Variants in SPOCK3 observed in about 807,000 individuals in gnomAD.
SPOCK3 encodes SPARC (osteonectin), cwcv and kazal like domains proteoglycan 3, also known as testican-3.
SPOCK3 carries 30 observed loss-of-function variants against 56.6 expected under a neutral mutation model. The observed-to-expected ratio is 0.53, with a 90% confidence interval of 0.40 to 0.72. SPOCK3 has a LOEUF of 0.72. SPOCK3 is among the 30% of genes least tolerant of loss of function. The probability of loss-of-function intolerance (pLI) is 0.00; values close to 1 mark genes in which losing one functional copy is unlikely to be tolerated. For synonymous variants in SPOCK3, 196 were observed against 183.3 expected, an observed-to-expected ratio of 1.07 and a Z score of -0.56; for missense variants, 527 against 530.0, an observed-to-expected ratio of 0.99 and a Z score of 0.06.
At chr4:166,936,247 G>A (rs998097440) in intron 4 of SPOCK3, among the ~76,000 whole-genome samples, 1 of 151,964 alleles carries the variant, frequency 6.6e-6, no homozygotes, top group African/African-American at 2.4e-5. Flanking sequence ...ATTTACATAT[G>A]TATTCATAAG....
At chr4:166,769,658 C>T (rs1463822600) in intron 7 of SPOCK3, among the ~76,000 whole-genome samples, 1 of 152,164 alleles carries the variant, frequency 6.6e-6, no homozygotes, top group Admixed American at 6.6e-5. Context: ...AGGAGGCAGT[C>T]TGTCCGTTCT....
In SPOCK3 at chr4:167,038,804, A is replaced by T. The variant is rs188213696; in HGVS notation, c.235+23688T>A. 2.8e-4 allele frequency among the ~76,000 whole-genome samples: 42 copies of T among 152,326 alleles called. 1 individual carries two copies. The highest frequency in any genetic ancestry group is 8.5e-4 in the Admixed American group (13 of 15,300). On this transcript the variant is annotated intron_variant, in intron 3 of 10. Transcript: ENST00000357545. ...ACAAAGTAAAAGTTACAATTAATAT[A>T]TACTGTTGTTAATATTAAAATCAAA... is the stretch of plus-strand genomic sequence containing the variant.
chr4:166,766,501 C>T lies in SPOCK3; in HGVS notation c.710-11772G>A, dbSNP rs150596467. 2.4e-4 allele frequency among the ~76,000 whole-genome samples: 37 copies of T among 152,226 alleles called. No individual in the cohort carries two copies. In the East Asian group the frequency reaches 4.8e-3, roughly 20 times the overall value. ...ATGCTGGATTACATTTAATGATTTG[C>T]GTACGTTGAACCAGTCTTGCATCCC... On this transcript the variant is annotated intron_variant, in intron 7 of 10. Coordinates refer to ENST00000357545, the MANE Select transcript of SPOCK3 (RefSeq NM_001040159.2).
At chr4:167,199,225 T>TG (rs1733263636) in intron 2 of SPOCK3, among the ~76,000 whole-genome samples, 1 of 141,976 alleles carries the variant, frequency 7.0e-6, no homozygotes, top group East Asian at 2.1e-4. Flanking sequence ...AAATATTTGT[T>TG]TGTGTGTGTG....
At chr4:166,987,433 A>G (rs1172998049) in intron 4 of SPOCK3, among the ~76,000 whole-genome samples, 3 of 152,174 alleles carry the variant, frequency 2.0e-5, no homozygotes, top group Non-Finnish European at 4.4e-5. Flanking sequence ...ACTATCTTAA[A>G]TTATATTGCG....
chr4:167,205,500 TA>T (rs1429579282), intron 2 of SPOCK3, among the ~76,000 whole-genome samples: 1 of 56,802 alleles, frequency 1.8e-5, no homozygotes, highest in South Asian at 4.2e-4. Context: ...ATATATAATA[TA>T]TATTATATAA....
chr4:166,955,097 C>T (rs1351878955), intron 4 of SPOCK3, among the ~76,000 whole-genome samples: 5 of 152,070 alleles, frequency 3.3e-5, no homozygotes, highest in African/African-American at 1.2e-4. Context: ...AGTGAGATCA[C>T]TGTTATGTAA....
chr4:167,108,513 T>C (rs1214207187), intron 2 of SPOCK3, among the ~76,000 whole-genome samples: 1 of 151,934 alleles, frequency 6.6e-6, no homozygotes, highest in Non-Finnish European at 1.5e-5. Flanking sequence ...ACAACATGGA[T>C]GGAACTAGAG....
At chr4:167,005,349 A>G (rs1023056108) in intron 3 of SPOCK3, among the ~76,000 whole-genome samples, 5 of 151,788 alleles carry the variant, frequency 3.3e-5, no homozygotes, top group African/African-American at 4.8e-5. Context: ...AGCTGGGACT[A>G]CAGGCGCCCA....
chr4:166,847,650 T>TATATATATATATATATATAC (rs1748214699), intron 6 of SPOCK3, among the ~76,000 whole-genome samples: 1 of 76,202 alleles, frequency 1.3e-5, no homozygotes, highest in African/African-American at 7.2e-5. Context: ...TCCTAGTTTA[T>TATATATATATATATATATAC]ATATATATAT....
intron 2 of SPOCK3, among the ~76,000 whole-genome samples, chr4:167,066,626 C>A (rs1756166373): frequency 6.6e-6 from 1 of 151,450 alleles, no homozygotes; most frequent in South Asian, 2.1e-4. Flanking sequence ...GTTTTTTTCT[C>A]CAAAATATTT....
intron 2 of SPOCK3, among the ~76,000 whole-genome samples, chr4:167,112,776 T>C (rs1761008375): frequency 6.6e-6 from 1 of 151,906 alleles, no homozygotes; most frequent in African/African-American, 2.4e-5. Context: ...TGGGGTGTCA[T>C]CAAGGAGAGA....
intron 3 of SPOCK3, among the ~76,000 whole-genome samples, chr4:167,058,989 C>T (rs1375514550): frequency 6.6e-6 from 1 of 152,008 alleles, no homozygotes; most frequent in East Asian, 1.9e-4. Flanking sequence ...ACACCTTATA[C>T]AAAAATCAAT....
intron 6 of SPOCK3, among the ~76,000 whole-genome samples, chr4:166,859,999 T>A (rs1731072199): frequency 6.6e-6 from 1 of 152,144 alleles, no homozygotes; most frequent in South Asian, 2.1e-4. Context: ...CCACAGTGAC[T>A]AGAATTTATC....
At chr4:166,843,257 G>C (rs1165517205) in intron 6 of SPOCK3, among the ~76,000 whole-genome samples, 4 of 152,230 alleles carry the variant, frequency 2.6e-5, no homozygotes, top group Non-Finnish European at 4.4e-5. Context: ...GTGGGCTGAA[G>C]GGCTTCTCAA....
chr4:166,952,118 A>C (rs889985096), intron 4 of SPOCK3, among the ~76,000 whole-genome samples: 4 of 152,300 alleles, frequency 2.6e-5, no homozygotes, highest in South Asian at 2.1e-4. Context: ...AAGGGTATTC[A>C]ATTAGGAAAA....
chr4:166,912,464 C>T (rs1413382300), intron 5 of SPOCK3, among the ~76,000 whole-genome samples, 156 bp downstream of exon 5: 1 of 152,078 alleles, frequency 6.6e-6, no homozygotes, highest in Non-Finnish European at 1.5e-5. Context: ...AAAACAAATG[C>T]ACATTGAATC....
chr4:167,156,415 A>G (rs1292821994), intron 2 of SPOCK3, among the ~76,000 whole-genome samples: 2 of 152,198 alleles, frequency 1.3e-5, no homozygotes, highest in African/African-American at 2.4e-5. Context: ...ATGTCTGCAC[A>G]CATATGTACA....
chr4:167,211,796 T>G (rs1734904293), intron 2 of SPOCK3, among the ~76,000 whole-genome samples: 1 of 152,168 alleles, frequency 6.6e-6, no homozygotes, highest in Non-Finnish European at 1.5e-5. Context: ...GACTAATACA[T>G]GTACATATTG....
Sources: allele counts gnomAD v4.1 joint callset (sites outside exome capture counted in the v4.1 genomes callset), GRCh38; gene constraint gnomAD v4.1.1; transcripts MANE v1.5; gene names NCBI Gene and HGNC (gene_info 2026-07-23, HGNC 2026-07-21).